The following RABGAP1L variants were observed in gnomAD, a reference collection of about 807,000 sequenced individuals.
The protein encoded by RABGAP1L is RAB GTPase activating protein 1 like, also known as rab GTPase-activating protein 1-like.
A neutral mutation model predicts 137.7 loss-of-function variants in RABGAP1L; 63 were observed. That is an observed-to-expected ratio of 0.46 (90% CI 0.37 to 0.56). The LOEUF is 0.56. Among genes scored for constraint, RABGAP1L ranks in the 20% least tolerant of loss-of-function variants. RABGAP1L has a pLI of 0.00. For missense variants in RABGAP1L, 1,095 were observed against 1,244.0 expected (o/e 0.88, Z 1.80); for synonymous variants, 431 against 433.7 (o/e 0.99, Z 0.08).
At chr1:174,581,579 G>A (rs1334132025) in intron 13 of RABGAP1L, among the ~76,000 whole-genome samples, 1 of 152,112 alleles carries the variant, frequency 6.6e-6, no homozygotes, top group Non-Finnish European at 1.5e-5. Flanking sequence ...AAAAAGATAC[G>A]ATGTTTATTT....
intron 11 of RABGAP1L, among the ~76,000 whole-genome samples, chr1:174,331,362 A>G (rs1401382165): frequency 6.6e-6 from 1 of 152,248 alleles, no homozygotes; most frequent in Non-Finnish European, 1.5e-5. Flanking sequence ...AAGCTCCTGC[A>G]CAGCAAGGAA....
chr1:174,880,079 GA>G (rs60691029), intron 19 of RABGAP1L, among the ~76,000 whole-genome samples: 17,286 of 145,204 alleles, frequency 0.12, 3,394 homozygotes, highest in African/African-American at 0.41. Flanking sequence ...AAAAAAAAAG[GA>G]AAAAAAAACA....
intron 1 of RABGAP1L, among the ~76,000 whole-genome samples, chr1:174,211,486 A>G (rs1668877758): frequency 6.6e-6 from 1 of 152,168 alleles, no homozygotes; most frequent in African/African-American, 2.4e-5. Flanking sequence ...AAAACATACA[A>G]TAAGTACAAA....
At chr1:174,571,576 TA>T (rs982661547) in intron 13 of RABGAP1L, among the ~76,000 whole-genome samples, 6 of 151,892 alleles carry the variant, frequency 4.0e-5, no homozygotes, top group Admixed American at 3.9e-4. Context: ...AAATTAAAAA[TA>T]AAAAAATTTT....
intron 13 of RABGAP1L, among the ~76,000 whole-genome samples, chr1:174,606,732 G>T (rs192078432): frequency 6.6e-6 from 1 of 152,246 alleles, no homozygotes; most frequent in East Asian, 1.9e-4. Context: ...TCTCACTAAT[G>T]ATGATGTCTA....
intron 7 of RABGAP1L, among the ~76,000 whole-genome samples, chr1:174,263,873 G>T (rs992363193): frequency 3.3e-5 from 5 of 151,670 alleles, no homozygotes; most frequent in African/African-American, 9.7e-5. Flanking sequence ...TTTCTTTTTT[G>T]GGGGGCCGGG....
At chr1:174,596,455 A>G (rs1429241881) in intron 13 of RABGAP1L, among the ~76,000 whole-genome samples, 4 of 152,124 alleles carry the variant, frequency 2.6e-5, no homozygotes, top group Admixed American at 6.5e-5. Flanking sequence ...AGTTATTCCT[A>G]GATAATTTAT....
At chr1:174,386,411 T>C (rs1276353404) in intron 12 of RABGAP1L, among the ~76,000 whole-genome samples, 1 of 152,172 alleles carries the variant, frequency 6.6e-6, no homozygotes, top group Non-Finnish European at 1.5e-5. Flanking sequence ...CCCATGATCA[T>C]ATCAAGTAAA....
At chr1:174,442,913 A>C (rs1654319022) in intron 13 of RABGAP1L, among the ~76,000 whole-genome samples, 1 of 151,940 alleles carries the variant, frequency 6.6e-6, no homozygotes, top group South Asian at 2.1e-4. Flanking sequence ...CATTTTACTC[A>C]CTACTTCAAT....
At chr1:174,624,019 A>G (rs1430283768) in intron 13 of RABGAP1L, among the ~76,000 whole-genome samples, 1 of 152,250 alleles carries the variant, frequency 6.6e-6, no homozygotes, top group Non-Finnish European at 1.5e-5. Flanking sequence ...AAATGGCTCC[A>G]TATTGTCCAC....
In RABGAP1L at chr1:174,300,787, A is replaced by G. The variant is rs540275760; in HGVS notation, c.1324-4199A>G. Among the ~76,000 whole-genome samples, 25 of 152,186 alleles carry G rather than the reference A, an allele frequency of 1.6e-4. No individual in the cohort carries two copies. In the South Asian group the frequency reaches 2.1e-3, roughly 13 times the overall value. ...GAGGCTGAGGCAGAGAATTGCTTCA[A>G]CCTGGGAGGAAGAGGTTTCAGTGAG... On this transcript the variant is annotated intron_variant, in intron 10 of 25. Coordinates refer to ENST00000681986, the MANE Select transcript of RABGAP1L (RefSeq NM_001366446.1).
intron 17 of RABGAP1L, among the ~76,000 whole-genome samples, chr1:174,712,456 C>T (rs1680629157): frequency 6.6e-6 from 1 of 152,186 alleles, no homozygotes; most frequent in African/African-American, 2.4e-5. Context: ...CGAAGGTCTG[C>T]AGCTTCACTT....
chr1:174,764,818 G>A (rs1685537608), intron 18 of RABGAP1L, among the ~76,000 whole-genome samples: 1 of 152,186 alleles, frequency 6.6e-6, no homozygotes, highest in South Asian at 2.1e-4. Context: ...TTGCCAGCCT[G>A]TGTCATTATT....
intron 13 of RABGAP1L, among the ~76,000 whole-genome samples, chr1:174,620,931 A>C (rs1296281493): frequency 6.6e-6 from 1 of 152,220 alleles, no homozygotes; most frequent in Non-Finnish European, 1.5e-5. Flanking sequence ...AAATAGACGC[A>C]ATAAAAAATG....
intron 11 of RABGAP1L, among the ~76,000 whole-genome samples, chr1:174,321,826 A>T (rs1455612904): frequency 2.0e-5 from 3 of 152,214 alleles, no homozygotes; most frequent in Admixed American, 1.3e-4. Flanking sequence ...TGCAGTATTA[A>T]TTTGCATTTC....
At chr1:174,407,712 T>C (rs1349682639) in intron 13 of RABGAP1L, among the ~76,000 whole-genome samples, 2 of 152,186 alleles carry the variant, frequency 1.3e-5, no homozygotes, top group East Asian at 3.8e-4. Flanking sequence ...CAGTGTGTGG[T>C]ACTTATTCAG....
intron 18 of RABGAP1L, among the ~76,000 whole-genome samples, chr1:174,758,098 C>T (rs1684912357): frequency 6.6e-6 from 1 of 150,678 alleles, no homozygotes; most frequent in Non-Finnish European, 1.5e-5. Flanking sequence ...TATGGTTTTT[C>T]CTTACCATTC....
At chr1:174,922,557 A>G (rs1662002686) in intron 19 of RABGAP1L, 1 of 152,224 alleles carries the variant, frequency 6.6e-6, no homozygotes, top group Non-Finnish European at 1.5e-5. Flanking sequence ...CCTGGGGCTT[A>G]AGAACATAAC....
chr1:174,542,737 A>T (rs180931184), intron 13 of RABGAP1L, among the ~76,000 whole-genome samples: 2 of 152,330 alleles, frequency 1.3e-5, no homozygotes, highest in African/African-American at 4.8e-5. Context: ...ATTTAGTGCT[A>T]TAAATTTCCC....
Sources: gnomAD v4.1 joint callset for allele counts (sites outside exome capture counted in the v4.1 genomes callset) on GRCh38, gnomAD v4.1.1 for gene constraint, MANE v1.5 for transcripts, NCBI Gene and HGNC (gene_info 2026-07-23, HGNC 2026-07-21) for gene names.